Variants in PALS2 observed in about 807,000 individuals in gnomAD.
PALS2 encodes the protein protein PALS2.
A neutral mutation model predicts 61.6 loss-of-function variants in PALS2; 27 were observed. The ratio of observed to expected loss-of-function variants is 0.44; its 90% confidence interval spans 0.32 to 0.60. PALS2 has a LOEUF of 0.60. PALS2 is among the 20% of genes least tolerant of loss of function. The pLI, the probability that PALS2 is intolerant of heterozygous loss-of-function variation, is 0.05. For synonymous variants in PALS2, 236 were observed against 218.6 expected, an observed-to-expected ratio of 1.08 and a Z score of -0.70; for missense variants, 554 against 639.4, an observed-to-expected ratio of 0.87 and a Z score of 1.44.
rs565911482 is a variant in PALS2, at chr7:24,583,468, A to G, written c.-3+9875A>G. ...AAATGTTAGATTATCATTTTATGCT[A>G]TTCAATTTGGAAATACCAGATACTA... is the stretch of plus-strand genomic sequence containing the variant. On this transcript the variant is annotated intron_variant, in intron 1 of 11. Coordinates refer to ENST00000222644, the MANE Select transcript of PALS2 (RefSeq NM_001303037.2). Among the ~76,000 whole-genome samples the G allele has an allele frequency of 4.2e-3, 633 of 152,196 alleles. 6 individuals carry two copies. Among genetic ancestry groups the G allele is most frequent in the Non-Finnish European group, 7.6e-3 (514 of 68,018 alleles).
chr7:24,582,883 CTTTTT>C (rs757869072), intron 1 of PALS2, among the ~76,000 whole-genome samples: 24 of 57,472 alleles, frequency 4.2e-4, no homozygotes, highest in African/African-American at 1.5e-3. Flanking sequence ...GATAGTCATG[CTTTTT>C]TTTTTTTTTT....
rs147957357 is a variant in PALS2 at position 24,629,021 on chromosome 7, C to T, written c.117+5237C>T. Reference sequence around the variant, plus strand: ...ATTTCATATGGAACCAAAAAAGAGCCGGTATAGCCTAGACAATCCTAAGCA... The same window carrying T: ...ATTTCATATGGAACCAAAAAAGAGCTGGTATAGCCTAGACAATCCTAAGCA... On this transcript the variant is annotated intron_variant, in intron 2 of 11. Coordinates refer to ENST00000222644, the MANE Select transcript of PALS2 (RefSeq NM_001303037.2). Among the ~76,000 whole-genome samples, 696 of 152,176 alleles carry T rather than the reference C, an allele frequency of 4.6e-3. 6 individuals are homozygous for T. The highest frequency in any genetic ancestry group is 0.016 in the African/African-American group (652 of 41,500).
At chr7:24,591,161 T>C (rs1290281556) in intron 1 of PALS2, among the ~76,000 whole-genome samples, 1 of 152,150 alleles carries the variant, frequency 6.6e-6, no homozygotes, top group Non-Finnish European at 1.5e-5. Context: ...CCACTTTAAC[T>C]GGAAGTGTGT....
intron 11 of PALS2, among the ~76,000 whole-genome samples, chr7:24,684,109 C>T (rs1788074577): frequency 6.6e-6 from 1 of 151,894 alleles, no homozygotes; most frequent in East Asian, 1.9e-4. Context: ...AGTCAGATCA[C>T]TATGGGGTTT....
chr7:24,666,173 T>C (rs1787007634), intron 8 of PALS2, 84 bp downstream of exon 8: 1 of 1,193,710 alleles, frequency 8.4e-7, no homozygotes. Flanking sequence ...TATACAGCTT[T>C]AAGTGAGTGT....
intron 5 of PALS2, among the ~76,000 whole-genome samples, chr7:24,662,993 G>C (rs1011358605): frequency 1.3e-5 from 2 of 152,098 alleles, no homozygotes; most frequent in Non-Finnish European, 2.9e-5. Flanking sequence ...ATTTAAAATG[G>C]AAAATAGTTT....
At position 24,680,430 on chromosome 7, in the gene PALS2, T is replaced by A; in HGVS notation, c.1356T>A (p.Tyr452Ter). 6.2e-7 allele frequency: 1 copy of A among 1,613,470 alleles called. No individual in the cohort carries two copies. The highest frequency in any genetic ancestry group is 8.5e-7 in the Non-Finnish European group (1 of 1,179,436). ...KVLRTSEFMPYVVFIAAPELE... is the reference protein window; with the variant it reads ...KVLRTSEFMP ...TGAGGACATCAGAGTTTATGCCCTA[T>A]GTGGTATTTATTGCGGCTCCGGAGC... Residue 452 changes from tyrosine (Y) to a stop codon, truncating the protein, a stop_gained, in exon 11 of 12, where the codon TAT becomes TAA. Transcript: ENST00000222644. LOFTEE classifies it high-confidence loss of function.
chr7:24,575,494 T>TC (rs769226237), intron 1 of PALS2, among the ~76,000 whole-genome samples: 9 of 152,072 alleles, frequency 5.9e-5, no homozygotes, highest in Non-Finnish European at 1.0e-4. Context: ...CTCTCCCCAC[T>TC]CCCCCTCTTT....
chr7:24,605,499 T>A (rs1783865768), intron 1 of PALS2, among the ~76,000 whole-genome samples: 1 of 151,640 alleles, frequency 6.6e-6, no homozygotes, highest in Non-Finnish European at 1.5e-5. Flanking sequence ...AGTAACACAT[T>A]ATGTTTTAGA....
At chr7:24,647,366 C>G (rs1423971271) in intron 3 of PALS2, among the ~76,000 whole-genome samples, 1 of 152,154 alleles carries the variant, frequency 6.6e-6, no homozygotes, top group African/African-American at 2.4e-5. Context: ...CCAGGCTGGT[C>G]TTGAACTCCT....
At chr7:24,629,153 A>G (rs1478342316) in intron 2 of PALS2, among the ~76,000 whole-genome samples, 1 of 152,156 alleles carries the variant, frequency 6.6e-6, no homozygotes, top group Non-Finnish European at 1.5e-5. Flanking sequence ...ATATAGACCA[A>G]TGGAACAGGA....
intron 3 of PALS2, among the ~76,000 whole-genome samples, chr7:24,643,233 A>G (rs992842512): frequency 6.6e-6 from 1 of 152,188 alleles, no homozygotes; most frequent in South Asian, 2.1e-4. Flanking sequence ...GGAAGCATCT[A>G]GGTTTTCAGG....
chr7:24,600,626 A>G (rs962089793), intron 1 of PALS2, among the ~76,000 whole-genome samples: 5 of 151,152 alleles, frequency 3.3e-5, no homozygotes, highest in Admixed American at 6.6e-5. Flanking sequence ...TTCATTTTGT[A>G]TAAGTTAAAT....
chr7:24,577,271 C>CT (rs59851624), intron 1 of PALS2, among the ~76,000 whole-genome samples: 5,069 of 131,290 alleles, frequency 0.039, 136 homozygotes, highest in Middle Eastern at 0.07. Context: ...TCCTTTTTTC[C>CT]TTTTTTTTTT....
intron 5 of PALS2, among the ~76,000 whole-genome samples, chr7:24,653,897 A>G (rs1007051010): frequency 2.0e-5 from 3 of 152,190 alleles, no homozygotes; most frequent in African/African-American, 4.8e-5. Context: ...CTTGGTGTCA[A>G]CAAGCTTAAG....
Position 24,687,287 on chromosome 7 carries a change from T to C in PALS2, c.1447-151T>C. 3.4e-6 allele frequency: 2 copies of C among 581,426 alleles called. No individual in the cohort carries two copies. The highest frequency in any genetic ancestry group is 2.9e-6 in the Non-Finnish European group (1 of 342,154). The allele number at this position is 581,426 out of a possible 1,614,324, so 36.0% of individuals were successfully genotyped here. ...AAGACATGAACAGATGGCAGTGTTG[T>C]CTTTAACACTATATGGATTAGATTT... On this transcript the variant is annotated intron_variant, in intron 11 of 11. Transcript: ENST00000222644. The surrounding 1 kb of genome is among the most constrained non-coding windows in gnomAD (Gnocchi z 4.5).
chr7:24,639,779 A>G lies in PALS2; in HGVS notation c.118-1937A>G, dbSNP rs1785424352. Among the ~76,000 whole-genome samples, 3 of 141,950 alleles carry G rather than the reference A, an allele frequency of 2.1e-5. No individual in the cohort carries two copies. In the South Asian group the frequency reaches 6.6e-4, roughly 31 times the overall value. 93.1% of individuals were successfully genotyped at this position (141,950 alleles called of 152,430 possible). On this transcript the variant is annotated intron_variant, in intron 2 of 11. Transcript: ENST00000222644. ...TATATGTTCAGAAAATTACAAATTTACCCGTTTTCATTTTTTGTGGCATTT... is the reference window on the plus strand; with the variant it reads ...TATATGTTCAGAAAATTACAAATTTGCCCGTTTTCATTTTTTGTGGCATTT...
rs1304450416 is a variant in PALS2, at chr7:24,690,610, A to G, written c.*2996A>G. The G allele has an allele frequency of 2.0e-5, 3 of 152,198 alleles. No individual in the cohort carries two copies. 9.4% of individuals were successfully genotyped at this position (152,198 alleles called of 1,614,324 possible). ...ACCCATAGAGGTGATGTGCCTGGAT[A>G]AGTCATTTAACCATAGCTTAGTGAA... On this transcript the variant is annotated 3_prime_UTR_variant, in exon 12 of 12. Transcript: ENST00000222644.
intron 1 of PALS2, among the ~76,000 whole-genome samples, chr7:24,587,003 A>T (rs1583833644): frequency 8.4e-6 from 1 of 119,072 alleles, no homozygotes; most frequent in East Asian, 2.1e-4. Flanking sequence ...TATTTTCCCC[A>T]AAATAAACCC....
Sources: gnomAD v4.1 joint callset for allele counts (sites outside exome capture counted in the v4.1 genomes callset) on GRCh38, gnomAD v4.1.1 for gene constraint, Gnocchi (gnomAD v3.1) non-coding constraint, MANE v1.5 for transcripts, NCBI Gene and HGNC (gene_info 2026-07-23, HGNC 2026-07-21) for gene names.